PCCA: variants seen among roughly 807,000 people sequenced by gnomAD.
PCCA encodes propionyl-CoA carboxylase subunit alpha.
In PCCA, 74 loss-of-function variants were observed where a neutral mutation model predicts 101.3. The observed-to-expected ratio is 0.73, with a 90% confidence interval of 0.61 to 0.89. PCCA has a LOEUF of 0.89. Ranked by LOEUF, PCCA falls within the 40% of genes least tolerant of loss-of-function variation. The pLI is 0.00. For missense variants in PCCA, 891 were observed against 907.0 expected (o/e 0.98, Z 0.23); for synonymous variants, 294 against 313.6 (o/e 0.94, Z 0.66).
chr13:100,130,752 A>G (rs779324088), intron 4 of PCCA, among the ~76,000 whole-genome samples: 6 of 152,224 alleles, frequency 3.9e-5, no homozygotes, highest in Non-Finnish European at 7.3e-5. Flanking sequence ...AATTAAATAT[A>G]GCAAAGTGTC....
At chr13:100,251,757 G>A (rs1473938745) in intron 8 of PCCA, among the ~76,000 whole-genome samples, 1 of 152,166 alleles carries the variant, frequency 6.6e-6, no homozygotes, top group Non-Finnish European at 1.5e-5. Context: ...GGGATAAATT[G>A]ACTTTTTATT....
chr13:100,226,957 A>ACT (rs1177856058), intron 7 of PCCA, among the ~76,000 whole-genome samples: 1 of 152,210 alleles, frequency 6.6e-6, no homozygotes, highest in East Asian at 1.9e-4. Context: ...TAACTCAGTC[A>ACT]CAGTCACAGA....
intron 4 of PCCA, among the ~76,000 whole-genome samples, chr13:100,138,380 G>A (rs2051435494): frequency 6.6e-6 from 1 of 151,880 alleles, no homozygotes; most frequent in African/African-American, 2.4e-5. Context: ...CATCATGCAG[G>A]TATCTACATT....
intron 21 of PCCA, among the ~76,000 whole-genome samples, chr13:100,492,300 A>G (rs2084962682): frequency 6.6e-6 from 1 of 151,952 alleles, no homozygotes; most frequent in Non-Finnish European, 1.5e-5. Context: ...ATGCCTGGCT[A>G]ATTTTTTGTA....
At chr13:100,116,145 A>G (rs2048775007) in intron 4 of PCCA, among the ~76,000 whole-genome samples, 1 of 152,230 alleles carries the variant, frequency 6.6e-6, no homozygotes, top group African/African-American at 2.4e-5. Flanking sequence ...AATCAGCTTT[A>G]TAATATCAGT....
chr13:100,397,536 G>A (rs2077109157), intron 19 of PCCA, among the ~76,000 whole-genome samples: 1 of 152,072 alleles, frequency 6.6e-6, no homozygotes, highest in Admixed American at 6.6e-5. Context: ...TACCACTATT[G>A]AAATTTCTAT....
intron 21 of PCCA, among the ~76,000 whole-genome samples, chr13:100,495,628 G>GAGA: frequency 6.6e-6 from 1 of 152,152 alleles, no homozygotes; most frequent in Admixed American, 6.5e-5. Context: ...AGTTTGTTGG[G>GAGA]TTAATTTGGG....
At chr13:100,414,024 A>C (rs996113782) in intron 19 of PCCA, among the ~76,000 whole-genome samples, 1 of 152,246 alleles carries the variant, frequency 6.6e-6, no homozygotes, top group African/African-American at 2.4e-5. Flanking sequence ...TGATCAATTA[A>C]TGAGGTGATA....
chr13:100,291,614 G>A (rs968649453), intron 12 of PCCA, among the ~76,000 whole-genome samples: 6 of 152,096 alleles, frequency 3.9e-5, no homozygotes, highest in African/African-American at 1.4e-4. Flanking sequence ...GGTTTTTTGG[G>A]GGTTATCAGT....
intron 16 of PCCA, among the ~76,000 whole-genome samples, chr13:100,322,417 C>A (rs191954745): frequency 1.3e-5 from 2 of 152,124 alleles, no homozygotes; most frequent in East Asian, 3.9e-4. Context: ...AAATGAAAAG[C>A]AGGTTTTAGG....
chr13:100,091,988 T>C (rs953156937), intron 1 of PCCA, among the ~76,000 whole-genome samples: 1 of 152,100 alleles, frequency 6.6e-6, no homozygotes, highest in Non-Finnish European at 1.5e-5. Flanking sequence ...TGGCGCGATC[T>C]CAGCTCACTG....
At chr13:100,279,914 G>A (rs2063951678) in intron 12 of PCCA, among the ~76,000 whole-genome samples, 2 of 151,812 alleles carry the variant, frequency 1.3e-5, no homozygotes, top group East Asian at 3.8e-4. Flanking sequence ...TGAACTAGAG[G>A]GCTATAATTT....
At chr13:100,246,815 G>A (rs1165962638) in intron 8 of PCCA, among the ~76,000 whole-genome samples, 1 of 151,566 alleles carries the variant, frequency 6.6e-6, no homozygotes, top group African/African-American at 2.4e-5. Context: ...TGAAAAGAGT[G>A]TATATTCTCA....
At chr13:100,515,963 G>T (rs1182506255) in intron 22 of PCCA, among the ~76,000 whole-genome samples, 1 of 152,228 alleles carries the variant, frequency 6.6e-6, no homozygotes, top group Admixed American at 6.5e-5. Flanking sequence ...TGGAACAAAT[G>T]TCTAATTGGG....
chr13:100,229,007 CTTTT>C (rs1350776773), intron 7 of PCCA, among the ~76,000 whole-genome samples: 7 of 149,710 alleles, frequency 4.7e-5, no homozygotes, highest in Non-Finnish European at 8.9e-5. Flanking sequence ...GAGCTGCTTT[CTTTT>C]GTTTTGTATT....
intron 18 of PCCA, among the ~76,000 whole-genome samples, chr13:100,340,966 A>G (rs2071219901): frequency 6.6e-6 from 1 of 152,228 alleles, no homozygotes; most frequent in African/African-American, 2.4e-5. Context: ...GTGATGAACT[A>G]GCTTTGAAAA....
At position 100,522,516 on chromosome 13, in the gene PCCA, G is replaced by T. The variant is rs753119913; in HGVS notation, c.2041-5159G>T. Among the ~76,000 whole-genome samples, 89 of 152,236 alleles carry T rather than the reference G, an allele frequency of 5.8e-4. No homozygotes were observed. The Middle Eastern group carries it at 0.014, about 23-fold the overall frequency. The stretch of plus-strand genomic sequence containing the variant: ...ACAGTTGCTAGAGAGTGGGCTTCCT[G>T]GGGGGCGGGGCGGCTCGATGCTGTG... On this transcript the variant is annotated intron_variant, in intron 22 of 23. Transcript: ENST00000376285.
chr13:100,451,397 A>G (rs762677471), intron 21 of PCCA, among the ~76,000 whole-genome samples: 1 of 152,198 alleles, frequency 6.6e-6, no homozygotes, highest in African/African-American at 2.4e-5. Context: ...TTCATGCAAT[A>G]ATAGATCTTG....
At chr13:100,218,216 C>T (rs1304706445) in intron 7 of PCCA, among the ~76,000 whole-genome samples, 2 of 151,956 alleles carry the variant, frequency 1.3e-5, no homozygotes, top group Non-Finnish European at 2.9e-5. Context: ...ACTCTTGTTG[C>T]CCAGGCTGGA....
Sources: gnomAD v4.1 joint callset for allele counts (sites outside exome capture counted in the v4.1 genomes callset) on GRCh38, gnomAD v4.1.1 for gene constraint, MANE v1.5 for transcripts, NCBI Gene and HGNC (gene_info 2026-07-23, HGNC 2026-07-21) for gene names.